The following PTPN14 variants were observed in gnomAD, a reference collection of about 807,000 sequenced individuals.
The protein encoded by PTPN14 is tyrosine-protein phosphatase non-receptor type 14.
Under a neutral mutation model 126.8 loss-of-function variants are expected in PTPN14, and 53 were observed. That is an observed-to-expected ratio of 0.42 (90% confidence interval 0.34 to 0.53). PTPN14 has a LOEUF of 0.53. Ranked by LOEUF, PTPN14 falls within the 20% of genes least tolerant of loss-of-function variation. The pLI is 0.08. For synonymous variants in PTPN14, 630 were observed against 599.3 expected, an observed-to-expected ratio of 1.05 and a Z score of -0.75; for missense variants, 1,257 against 1,552.9, an observed-to-expected ratio of 0.81 and a Z score of 3.20.
At position 214,383,857 on chromosome 1, in the gene PTPN14, A is replaced by G; in HGVS notation, c.1998T>C (p.Ala666=). 6.2e-7 allele frequency: 1 copy of G among 1,612,474 alleles called. No individual in the cohort carries two copies. Among genetic ancestry groups the G allele is most frequent in the South Asian group, 1.1e-5 (1 of 91,044 alleles). Reference sequence around the variant, plus strand: ...CCTGCTCCCGGAGCGTGTTGCGGCGAGCCATGGGGAGGTGGAGCGACTTGA... The same window carrying G: ...CCTGCTCCCGGAGCGTGTTGCGGCGGGCCATGGGGAGGTGGAGCGACTTGA... ...MTLKSLHLPM[A]RRNTLREQGP... Residue 666 remains alanine (A), a synonymous_variant, in exon 13 of 19, where the codon GCT becomes GCC. Coordinates refer to ENST00000366956, the MANE Select transcript of PTPN14 (RefSeq NM_005401.5). The surrounding 1 kb of genome is among the most constrained non-coding windows in gnomAD (Gnocchi z 4.4).
intron 3 of PTPN14, among the ~76,000 whole-genome samples, chr1:214,431,807 TG>T (rs910101055): frequency 1.3e-4 from 20 of 152,152 alleles, no homozygotes; most frequent in African/African-American, 4.8e-4. Context: ...AAGGGCTAAA[TG>T]GGTTAATATG....
intron 1 of PTPN14, among the ~76,000 whole-genome samples, chr1:214,465,551 G>A (rs1388201322): frequency 6.6e-6 from 1 of 152,146 alleles, no homozygotes; most frequent in Admixed American, 6.5e-5. Context: ...AGCCTGGGAG[G>A]CCAAGGCTGC....
chr1:214,482,500 T>C (rs1447352156), intron 1 of PTPN14, among the ~76,000 whole-genome samples: 1 of 151,866 alleles, frequency 6.6e-6, no homozygotes, highest in Non-Finnish European at 1.5e-5. Flanking sequence ...AAGAAATATC[T>C]GAAACACTTT....
Position 214,533,399 on chromosome 1 carries a change from GACCACC to G in PTPN14, c.-155+17778_-155+17783del, listed in dbSNP as rs973412382. The G allele has an allele frequency of 9.3e-6, 4 of 428,984 alleles. No homozygotes were observed. In the Admixed American group the frequency reaches 9.4e-5, roughly 10 times the overall value. 26.6% of individuals were successfully genotyped at this position (428,984 alleles called of 1,614,324 possible). Reference sequence around the variant, plus strand: ...GCAACTCCACGCAAACCATTCAAAAGACCACCACCTGCCGCAAAGTGAGTGGCAAAG... The same window carrying G: ...GCAACTCCACGCAAACCATTCAAAAGACCTGCCGCAAAGTGAGTGGCAAAG... On this transcript the variant is annotated intron_variant, in intron 1 of 18. Coordinates refer to ENST00000366956, the MANE Select transcript of PTPN14 (RefSeq NM_005401.5).
intron 2 of PTPN14, among the ~76,000 whole-genome samples, chr1:214,462,652 C>G (rs1660538500): frequency 6.6e-6 from 1 of 152,212 alleles, no homozygotes; most frequent in South Asian, 2.1e-4. Context: ...ACACTAAGGA[C>G]AGCCATCGCC....
intron 1 of PTPN14, among the ~76,000 whole-genome samples, chr1:214,523,922 T>G (rs1482456427): frequency 6.7e-6 from 1 of 150,232 alleles, no homozygotes; most frequent in Non-Finnish European, 1.5e-5. Context: ...CAATCTCGGC[T>G]CTCTGCAACC....
At chr1:214,521,830 G>A (rs1329673213) in intron 1 of PTPN14, among the ~76,000 whole-genome samples, 1 of 150,726 alleles carries the variant, frequency 6.6e-6, no homozygotes, top group Non-Finnish European at 1.5e-5. Context: ...CAGAACTGAT[G>A]CAGCACATCC....
At position 214,349,806 on chromosome 1, in the gene PTPN14, T is replaced by C. The variant is rs1657667786; in HGVS notation, c.*8116A>G. On this transcript the variant is annotated 3_prime_UTR_variant, in exon 19 of 19. Coordinates refer to ENST00000366956, the MANE Select transcript of PTPN14 (RefSeq NM_005401.5). ...TTCAAAGGAAATTGCAGTAAAATTG[T>C]ACAATGTTCAAGTTGAAAAAAAAAA... The C allele has an allele frequency of 6.6e-6, 1 of 152,044 alleles. No homozygotes were observed. Among genetic ancestry groups the C allele is most frequent in the Admixed American group, 6.6e-5 (1 of 15,264 alleles). The allele number at this position is 152,044 out of a possible 1,614,324, so 9.4% of individuals were successfully genotyped here.
rs572911936 is a variant in PTPN14 at position 214,359,436 on chromosome 1, C to T, written c.3436-1386G>A. Reference sequence around the variant, plus strand: ...ACGGGGTTTCAGCATGGTGGTCAGGCTGGTCTCGAACTCCTGACCTCGTGA... The same window carrying T: ...ACGGGGTTTCAGCATGGTGGTCAGGTTGGTCTCGAACTCCTGACCTCGTGA... On this transcript the variant is annotated intron_variant, in intron 18 of 18. Transcript: ENST00000366956. Among the ~76,000 whole-genome samples, 416 of 149,714 alleles carry T rather than the reference C, an allele frequency of 2.8e-3. 4 individuals are homozygous for T. Among genetic ancestry groups the T allele is most frequent in the Admixed American group, 4.7e-3 (70 of 14,968 alleles).
intron 1 of PTPN14, among the ~76,000 whole-genome samples, chr1:214,541,864 T>A (rs1212785310): frequency 6.6e-6 from 1 of 152,208 alleles, no homozygotes; most frequent in Admixed American, 6.5e-5. Context: ...AGACTTTCTG[T>A]TTACATTTTT....
In PTPN14 at chr1:214,384,685, G is replaced by A. The variant is rs372311664; in HGVS notation, c.1170C>T (p.Ser390=). The change falls in exon 13 of 19, where the codon AGC becomes AGT. Residue 390 remains serine, a synonymous_variant. Coordinates refer to ENST00000366956, the MANE Select transcript of PTPN14 (RefSeq NM_005401.5). This position sits in a 1 kb window ranked among gnomAD's most constrained non-coding sequence, Gnocchi z 5.3. ...AGTTGAGGGAGTTGACGCTGTGAACGCTACACACGCTGCCATTGGTGACAG... is the reference window on the plus strand; with the variant it reads ...AGTTGAGGGAGTTGACGCTGTGAACACTACACACGCTGCCATTGGTGACAG... ...NGTVTNGSVC[S]VHSVNSLNCS... is the part of the protein sequence containing the mutation. 12 of 1,614,088 alleles carry A rather than the reference G, an allele frequency of 7.4e-6. No individual in the cohort carries two copies. In the East Asian group the frequency reaches 8.9e-5, roughly 12 times the overall value.
chr1:214,435,815 C>T (rs754172651), intron 3 of PTPN14, among the ~76,000 whole-genome samples: 2 of 152,120 alleles, frequency 1.3e-5, no homozygotes, highest in Non-Finnish European at 2.9e-5. Context: ...GTAAATCAGC[C>T]ATGGTAGAAA....
chr1:214,518,810 G>A (rs1424520961), intron 1 of PTPN14, among the ~76,000 whole-genome samples: 4 of 152,058 alleles, frequency 2.6e-5, no homozygotes, highest in East Asian at 1.9e-4. Context: ...AAGTAACTAC[G>A]CTACCCAAAA....
intron 5 of PTPN14, among the ~76,000 whole-genome samples, chr1:214,408,413 A>G (rs2102575629): frequency 6.6e-6 from 1 of 152,286 alleles, no homozygotes; most frequent in Non-Finnish European, 1.5e-5. Flanking sequence ...TTTACTCTGA[A>G]GCTACCCACC....
At position 214,541,033 on chromosome 1, in the gene PTPN14, T is replaced by C. The variant is rs542091555; in HGVS notation, c.-155+10150A>G. 2.5e-4 allele frequency among the ~76,000 whole-genome samples: 38 copies of C among 152,184 alleles called. 1 individual carries two copies. The highest frequency in any genetic ancestry group is 3.4e-3 in the Middle Eastern group (1 of 294). On this transcript the variant is annotated intron_variant, in intron 1 of 18. Transcript: ENST00000366956. Reference sequence around the variant, plus strand: ...GCATCAGATGCCATAAACCCAAGTATAAATAAATTACAAAATATGTCTCCA... The same window carrying C: ...GCATCAGATGCCATAAACCCAAGTACAAATAAATTACAAAATATGTCTCCA...
At chr1:214,454,832 G>A (rs1444183453) in intron 2 of PTPN14, among the ~76,000 whole-genome samples, 1 of 152,150 alleles carries the variant, frequency 6.6e-6, no homozygotes, top group Non-Finnish European at 1.5e-5. Context: ...AAGAAACGGG[G>A]TGTCCAGTGC....
intron 1 of PTPN14, among the ~76,000 whole-genome samples, chr1:214,541,273 A>G (rs1655828871): frequency 6.6e-6 from 1 of 152,208 alleles, no homozygotes; most frequent in Non-Finnish European, 1.5e-5. Context: ...GGGGGCAGAA[A>G]GTAACAATAA....
At chr1:214,392,625 G>A (rs1658783178) in intron 10 of PTPN14, among the ~76,000 whole-genome samples, 1 of 152,156 alleles carries the variant, frequency 6.6e-6, no homozygotes, top group African/African-American at 2.4e-5. Flanking sequence ...GTGTGGTGCG[G>A]CACATGCGAG....
chr1:214,470,510 C>T (rs928475614), intron 1 of PTPN14, among the ~76,000 whole-genome samples: 3 of 152,016 alleles, frequency 2.0e-5, no homozygotes, highest in East Asian at 1.9e-4. Flanking sequence ...TGGCCAGGCA[C>T]GGTGACTCAG....
Sources: gnomAD v4.1 joint callset for allele counts (sites outside exome capture counted in the v4.1 genomes callset) on GRCh38, gnomAD v4.1.1 for gene constraint, Gnocchi (gnomAD v3.1) non-coding constraint, MANE v1.5 for transcripts, NCBI Gene and HGNC (gene_info 2026-07-23, HGNC 2026-07-21) for gene names.